Variants in SCRG1 observed in about 807,000 individuals in gnomAD.
SCRG1 encodes scrapie-responsive protein 1.
Under a neutral mutation model 7.7 loss-of-function variants are expected in SCRG1, and 3 were observed. That is an observed-to-expected ratio of 0.39 (90% CI 0.18 to 1.01). The LOEUF (loss-of-function observed/expected upper bound fraction) is 1.01, where lower values mean the gene tolerates loss of function less well. Ranked by LOEUF, SCRG1 falls within the 50% of genes least tolerant of loss-of-function variation. SCRG1 has a pLI of 0.36. For synonymous variants in SCRG1, 46 were observed against 41.2 expected (o/e 1.12, Z -0.44); for missense variants, 110 against 117.2 (o/e 0.94, Z 0.28).
chr4:173,518,188 G>A, the SCRG1 span, among the ~76,000 whole-genome samples: 1 of 152,146 alleles, frequency 6.6e-6, no homozygotes, highest in Non-Finnish European at 1.5e-5. Flanking sequence ...AGAGGACCGG[G>A]AGGGCAGGAA....
the SCRG1 span, among the ~76,000 whole-genome samples, chr4:173,488,864 CAACTCT>C: frequency 6.6e-6 from 1 of 152,124 alleles, no homozygotes; most frequent in Non-Finnish European, 1.5e-5. Flanking sequence ...GTCCTTACTC[CAACTCT>C]AACTCATGCC....
chr4:173,439,524 AAG>A, the SCRG1 span, among the ~76,000 whole-genome samples: 4 of 151,812 alleles, frequency 2.6e-5, no homozygotes, highest in Non-Finnish European at 5.9e-5. Flanking sequence ...AAAAAAAAAA[AAG>A]ATTTTTTAAT....
the SCRG1 span, among the ~76,000 whole-genome samples, chr4:173,515,765 C>T: frequency 1.3e-5 from 2 of 152,112 alleles, no homozygotes; most frequent in South Asian, 4.1e-4. The surrounding 1 kb of genome is among the most constrained non-coding windows in gnomAD (Gnocchi z 4.6). Flanking sequence ...TCTCAGGTTT[C>T]CCGTGGGTTC....
At chr4:173,484,494 TAA>T in the SCRG1 span, among the ~76,000 whole-genome samples, 2 of 30,794 alleles carry the variant, frequency 6.5e-5, no homozygotes, top group Non-Finnish European at 1.3e-4. Flanking sequence ...TATATACATA[TAA>T]TATATATTAT....
chr4:173,416,288 A>C, the SCRG1 span, among the ~76,000 whole-genome samples: 1 of 152,188 alleles, frequency 6.6e-6, no homozygotes, highest in African/African-American at 2.4e-5. Flanking sequence ...CTCACTCCCA[A>C]CGCACGGCTC....
At chr4:173,498,625 C>T in the SCRG1 span, among the ~76,000 whole-genome samples, 1 of 152,104 alleles carries the variant, frequency 6.6e-6, no homozygotes, top group Non-Finnish European at 1.5e-5. Flanking sequence ...GTAAGGGGCT[C>T]ATTGAATGTT....
the SCRG1 span, among the ~76,000 whole-genome samples, chr4:173,485,122 A>C: frequency 5.0e-3 from 71 of 14,122 alleles, 8 homozygotes; most frequent in South Asian, 0.014. Flanking sequence ...TATAATATAT[A>C]ATATATCATA....
chr4:173,518,537 T>C, the SCRG1 span, among the ~76,000 whole-genome samples: 1 of 152,044 alleles, frequency 6.6e-6, no homozygotes, highest in Non-Finnish European at 1.5e-5. Context: ...CTCTCTATGC[T>C]CCCCCTCTCA....
At chr4:173,447,609 A>C in the SCRG1 span, among the ~76,000 whole-genome samples, 2 of 152,252 alleles carry the variant, frequency 1.3e-5, no homozygotes, top group African/African-American at 2.4e-5. Context: ...ATTGTTGTGC[A>C]TATCAAAGAA....
the SCRG1 span, among the ~76,000 whole-genome samples, chr4:173,485,087 ATT>A: frequency 6.5e-3 from 59 of 9,084 alleles, 10 homozygotes; most frequent in African/African-American, 0.017. Context: ...TATATAATAT[ATT>A]ATATATTATA....
the SCRG1 span, among the ~76,000 whole-genome samples, chr4:173,506,913 C>T: frequency 6.6e-6 from 1 of 152,322 alleles, no homozygotes; most frequent in East Asian, 1.9e-4. This position sits in a 1 kb window ranked among gnomAD's most constrained non-coding sequence, Gnocchi z 5.3. Flanking sequence ...TCTCCCCGGC[C>T]GGGCTCGCTG....
the SCRG1 span, among the ~76,000 whole-genome samples, chr4:173,414,991 G>A: frequency 2.0e-5 from 3 of 152,180 alleles, no homozygotes; most frequent in Non-Finnish European, 4.4e-5. Flanking sequence ...ACCCAACTCT[G>A]GAAATTATCT....
At chr4:173,408,416 T>C (rs1008305469), upstream of SCRG1, among the ~76,000 whole-genome samples, 3 of 152,222 alleles carry the variant, frequency 2.0e-5, no homozygotes, top group African/African-American at 7.2e-5. Flanking sequence ...TACAGAATTT[T>C]TACTATGCTT....
the SCRG1 span, among the ~76,000 whole-genome samples, chr4:173,432,294 CCT>C: frequency 7.6e-6 from 1 of 132,300 alleles, no homozygotes; most frequent in Non-Finnish European, 1.6e-5. Context: ...TTCCTTCCTT[CCT>C]CCCCCCCTCC....
chr4:173,444,060 G>A, the SCRG1 span, among the ~76,000 whole-genome samples: 1 of 148,952 alleles, frequency 6.7e-6, no homozygotes, highest in Non-Finnish European at 1.5e-5. Flanking sequence ...TGCGAACTCT[G>A]CCTTCCAGTT....
At chr4:173,479,169 T>A in the SCRG1 span, among the ~76,000 whole-genome samples, 1 of 152,092 alleles carries the variant, frequency 6.6e-6, no homozygotes, top group African/African-American at 2.4e-5. Context: ...TAAAATAACA[T>A]GAGTAAAGAA....
chr4:173,414,586 C>CA, the SCRG1 span, among the ~76,000 whole-genome samples: 6 of 152,144 alleles, frequency 3.9e-5, no homozygotes, highest in African/African-American at 1.4e-4. Context: ...CTCATGCCCT[C>CA]TTGATCATGT....
chr4:173,435,189 C>T, the SCRG1 span, among the ~76,000 whole-genome samples: 1 of 151,894 alleles, frequency 6.6e-6, no homozygotes, highest in Admixed American at 6.6e-5. Flanking sequence ...CCCTCCACCA[C>T]CACTTAAAGT....
chr4:173,454,839 G>A, the SCRG1 span, among the ~76,000 whole-genome samples: 17 of 152,298 alleles, frequency 1.1e-4, no homozygotes, highest in East Asian at 2.3e-3. Context: ...GAGAAAGTTA[G>A]TTTAAAGGAC....
Sources: gnomAD v4.1 joint callset for allele counts (sites outside exome capture counted in the v4.1 genomes callset) on GRCh38, gnomAD v4.1.1 for gene constraint, Gnocchi (gnomAD v3.1) non-coding constraint, MANE v1.5 for transcripts, NCBI Gene and HGNC (gene_info 2026-07-23, HGNC 2026-07-21) for gene names.